TRPM3: variants seen among roughly 807,000 people sequenced by gnomAD.
The protein encoded by TRPM3 is transient receptor potential cation channel subfamily M member 3.
In TRPM3, 77 loss-of-function variants were observed where a neutral mutation model predicts 181.2. That is an observed-to-expected ratio of 0.42 (90% CI 0.35 to 0.51). TRPM3 has a LOEUF of 0.51. Among genes scored for constraint, TRPM3 ranks in the 20% least tolerant of loss-of-function variants. The probability of loss-of-function intolerance (pLI) is 0.01; values close to 1 mark genes in which losing one functional copy is unlikely to be tolerated. For synonymous variants in TRPM3, 745 were observed against 796.4 expected (o/e 0.94, Z 1.09); for missense variants, 1,759 against 2,196.7 (o/e 0.80, Z 3.98).
At chr9:71,418,918 G>GTGTGTGTGTATATA (rs2093683870) in intron 1 of TRPM3, among the ~76,000 whole-genome samples, 1 of 67,968 alleles carries the variant, frequency 1.5e-5, no homozygotes, top group South Asian at 4.7e-4. Flanking sequence ...GTATATATAT[G>GTGTGTGTGTATATA]TGTGTGTGTG....
intron 1 of TRPM3, among the ~76,000 whole-genome samples, chr9:71,137,600 T>G (rs566362586): frequency 6.6e-6 from 1 of 152,270 alleles, no homozygotes; most frequent in African/African-American, 2.4e-5. Context: ...TAGCTCTTCT[T>G]TTATTTCTCT....
At chr9:71,130,700 C>T (rs1258647980) in intron 1 of TRPM3, among the ~76,000 whole-genome samples, 7 of 152,094 alleles carry the variant, frequency 4.6e-5, no homozygotes, top group African/African-American at 1.7e-4. Flanking sequence ...CCGCAGGCGC[C>T]TAAATGGTAC....
intron 19 of TRPM3, among the ~76,000 whole-genome samples, chr9:70,609,498 C>T (rs1008410973): frequency 6.6e-6 from 1 of 152,164 alleles, no homozygotes; most frequent in Admixed American, 6.5e-5. Context: ...GCAATTTTAT[C>T]CCACAAGGGA....
chr9:71,260,731 G>T (rs1419619747), intron 1 of TRPM3, among the ~76,000 whole-genome samples: 6 of 152,160 alleles, frequency 3.9e-5, no homozygotes, highest in Non-Finnish European at 8.8e-5. Flanking sequence ...CATTGATTTT[G>T]TATCCTGAGA....
chr9:71,192,591 AT>A (rs1486184143), intron 1 of TRPM3, among the ~76,000 whole-genome samples: 1 of 151,764 alleles, frequency 6.6e-6, no homozygotes, highest in African/African-American at 2.4e-5. Flanking sequence ...TTCTTTGCCC[AT>A]TTTTTAATTG....
intron 1 of TRPM3, among the ~76,000 whole-genome samples, chr9:71,320,556 C>T (rs908420558): frequency 6.6e-6 from 1 of 152,150 alleles, no homozygotes; most frequent in Non-Finnish European, 1.5e-5. Flanking sequence ...AAAATCCAAC[C>T]CTGGACACCT....
chr9:71,373,656 G>A (rs1238087579), intron 1 of TRPM3, among the ~76,000 whole-genome samples: 1 of 151,996 alleles, frequency 6.6e-6, no homozygotes, highest in Non-Finnish European at 1.5e-5. Flanking sequence ...AGCAAAAAAA[G>A]CCCAGGACCA....
intron 1 of TRPM3, among the ~76,000 whole-genome samples, chr9:70,875,711 AT>A (rs915414939): frequency 3.9e-5 from 6 of 151,954 alleles, no homozygotes; most frequent in Admixed American, 2.6e-4. Context: ...TCAGGTCAGA[AT>A]ATGCAGAGAC....
chr9:71,386,413 C>T (rs1385723201), intron 1 of TRPM3, among the ~76,000 whole-genome samples: 1 of 150,986 alleles, frequency 6.6e-6, no homozygotes. Flanking sequence ...TGCACTACTG[C>T]ACTCCAGCCT....
chr9:71,237,060 AG>A lies in TRPM3; in HGVS notation c.183+209592del, dbSNP rs67870195. On this transcript the variant is annotated intron_variant, in intron 1 of 24. Transcript: ENST00000357533. Reference sequence around the variant, plus strand: ...AGACTCCATCAAAAAAAAAAAAAAAAGGGGGGGGGAAAAAAAGAAAGGAAAG... The same window carrying A: ...AGACTCCATCAAAAAAAAAAAAAAAAGGGGGGGGAAAAAAAGAAAGGAAAG... Among the ~76,000 whole-genome samples the A allele has an allele frequency of 6.8e-4, 94 of 139,050 alleles. 1 individual carries two copies. Among genetic ancestry groups the A allele is most frequent in the South Asian group, 1.5e-3 (6 of 4,110 alleles). The allele number at this position is 139,050 out of a possible 152,430, so 91.2% of individuals were successfully genotyped here.
intron 4 of TRPM3, 45 bp from the exon 5 acceptor site, chr9:70,843,172 A>T (rs778356582): frequency 6.3e-7 from 1 of 1,578,466 alleles, no homozygotes; most frequent in Admixed American, 1.9e-5. Context: ...TAAAGCAAAT[A>T]CCTTTTCATC....
At chr9:70,811,190 C>A (rs1466555794) in intron 6 of TRPM3, 5 of 1,612,552 alleles carry the variant, frequency 3.1e-6, no homozygotes, top group Admixed American at 1.7e-5. Flanking sequence ...TAACTGGCAA[C>A]TACCCCAAAA....
chr9:70,800,853 C>T (rs1180979714), intron 6 of TRPM3, among the ~76,000 whole-genome samples: 2 of 152,132 alleles, frequency 1.3e-5, no homozygotes, highest in Admixed American at 1.3e-4. Flanking sequence ...TTTTGACTAA[C>T]CCTCTAAGGG....
chr9:71,377,671 T>C (rs555119193), intron 1 of TRPM3, among the ~76,000 whole-genome samples: 2 of 152,204 alleles, frequency 1.3e-5, no homozygotes, highest in East Asian at 3.9e-4. Context: ...AGCAGGAAAC[T>C]ACACAAATCA....
chr9:71,231,400 A>C (rs2081040737), intron 1 of TRPM3, among the ~76,000 whole-genome samples: 1 of 152,172 alleles, frequency 6.6e-6, no homozygotes, highest in Admixed American at 6.5e-5. Context: ...GAACCACACC[A>C]AGAATACTGG....
chr9:70,850,446 TAAATA>T (rs1393237538), intron 3 of TRPM3, among the ~76,000 whole-genome samples: 1 of 152,002 alleles, frequency 6.6e-6, no homozygotes, highest in East Asian at 1.9e-4. Flanking sequence ...AAAGAATAAA[TAAATA>T]AAGGGGCAGA....
rs1354913680 is a variant in TRPM3, at chr9:71,195,414, C to T, written c.183+251239G>A. Among the ~76,000 whole-genome samples, 5 of 151,854 alleles carry T rather than the reference C, an allele frequency of 3.3e-5. No homozygotes were observed. The South Asian group carries it at 6.2e-4, about 19-fold the overall frequency. ...AAAGCTCAATATCACTGTAAGATAG[C>T]ATCTCATACCAGTCAGAATGGCTAT... On this transcript the variant is annotated intron_variant, in intron 1 of 24. Transcript: ENST00000357533.
At chr9:71,110,926 T>C (rs1024489743) in intron 1 of TRPM3, among the ~76,000 whole-genome samples, 2 of 152,218 alleles carry the variant, frequency 1.3e-5, no homozygotes, top group Non-Finnish European at 2.9e-5. Context: ...GTGAAATATT[T>C]TCTTCACTTA....
chr9:71,032,164 A>T (rs140082994), intron 1 of TRPM3, among the ~76,000 whole-genome samples: 2,243 of 95,460 alleles, frequency 0.023, 86 homozygotes, highest in African/African-American at 0.085. Context: ...ATATTATATA[A>T]TATATTATAT....
Sources: gnomAD v4.1 joint callset for allele counts (sites outside exome capture counted in the v4.1 genomes callset) on GRCh38, gnomAD v4.1.1 for gene constraint, MANE v1.5 for transcripts, NCBI Gene and HGNC (gene_info 2026-07-23, HGNC 2026-07-21) for gene names.